SAMMSON: variants seen among roughly 807,000 people sequenced by gnomAD.
The protein encoded by SAMMSON is survival associated mitochondrial melanoma specific oncogenic non-coding RNA, also known as long intergenic non-protein coding RNA 1212.
intron 4 of SAMMSON, among the ~76,000 whole-genome samples, chr3:70,225,530 C>T (rs561000674): frequency 3.9e-5 from 6 of 152,262 alleles, no homozygotes; most frequent in East Asian, 3.9e-4. Context: ...AAGAAAGCAA[C>T]GGTGTGTCAA....
chr3:70,163,438 T>C (rs1346900799), intron 4 of SAMMSON, among the ~76,000 whole-genome samples: 2 of 151,560 alleles, frequency 1.3e-5, no homozygotes, highest in Non-Finnish European at 2.9e-5. Flanking sequence ...CTAGTTTAGA[T>C]TAATATTAGC....
intron 4 of SAMMSON, among the ~76,000 whole-genome samples, chr3:70,244,036 A>C (rs1330397033): frequency 1.3e-5 from 2 of 152,172 alleles, no homozygotes; most frequent in Non-Finnish European, 2.9e-5. Flanking sequence ...CACATATGGA[A>C]GATTCTAATT....
chr3:70,404,560 G>A (rs567783688), intron 2 of SAMMSON, among the ~76,000 whole-genome samples: 2 of 152,252 alleles, frequency 1.3e-5, no homozygotes, highest in African/African-American at 4.8e-5. Context: ...TGAGTTTAGA[G>A]TCCTCATATT....
intron 4 of SAMMSON, among the ~76,000 whole-genome samples, chr3:70,142,026 A>T: frequency 6.6e-6 from 1 of 152,204 alleles, no homozygotes; most frequent in East Asian, 1.9e-4. Context: ...AAAAATGAAA[A>T]AATAATAGAT....
chr3:70,356,861 A>G (rs2106737765), intron 8 of SAMMSON, among the ~76,000 whole-genome samples: 1 of 152,216 alleles, frequency 6.6e-6, no homozygotes, highest in Non-Finnish European at 1.5e-5. Context: ...GTACTTACAG[A>G]TGGCACTTTT....
At chr3:70,125,521 A>G (rs77753901) in intron 4 of SAMMSON, 1 of 702,624 alleles carries the variant, frequency 1.4e-6, no homozygotes. Flanking sequence ...TAGGTTTGGG[A>G]AAGATTTTTC....
At chr3:70,299,786 T>G (rs1702329015) in intron 7 of SAMMSON, among the ~76,000 whole-genome samples, 1 of 152,154 alleles carries the variant, frequency 6.6e-6, no homozygotes, top group Non-Finnish European at 1.5e-5. Flanking sequence ...CTGTTATCTT[T>G]AGGTCCTCTC....
In SAMMSON at chr3:70,285,561, G is replaced by A. The variant is rs532956503; in HGVS notation, n.675-5618G>A. ...ATAGCAGCATGATTTATAGTCCTTTGGGTATATACCCAGTAATGGGATGGC... is the reference window on the plus strand; with the variant it reads ...ATAGCAGCATGATTTATAGTCCTTTAGGTATATACCCAGTAATGGGATGGC... On this transcript the variant is annotated intron_variant and non_coding_transcript_variant, in intron 6 of 9. Coordinates refer to ENST00000642114, the Ensembl canonical transcript of SAMMSON. Among the ~76,000 whole-genome samples the A allele has an allele frequency of 7.8e-4, 118 of 151,828 alleles. 1 individual carries two copies. Among genetic ancestry groups the A allele is most frequent in the African/African-American group, 2.7e-3 (113 of 41,394 alleles).
intron 2 of SAMMSON, among the ~76,000 whole-genome samples, chr3:70,427,900 G>A (rs1050623344): frequency 3.9e-5 from 6 of 152,056 alleles, no homozygotes; most frequent in African/African-American, 1.4e-4. Context: ...GAAGATTGAA[G>A]GATATAATAT....
At chr3:70,190,306 C>G (rs897528325) in intron 4 of SAMMSON, among the ~76,000 whole-genome samples, 1 of 152,134 alleles carries the variant, frequency 6.6e-6, no homozygotes, top group Non-Finnish European at 1.5e-5. Context: ...GCAATTGCAC[C>G]TTTCTCAGTC....
intron 7 of SAMMSON, among the ~76,000 whole-genome samples, chr3:70,301,749 T>C (rs539298800): frequency 1.3e-5 from 2 of 152,236 alleles, no homozygotes; most frequent in Admixed American, 1.3e-4. Context: ...GATTTATTTA[T>C]ATAAACTTTT....
At chr3:70,049,568 A>G (rs2067138934) in intron 3 of SAMMSON, among the ~76,000 whole-genome samples, 2 of 152,110 alleles carry the variant, frequency 1.3e-5, no homozygotes, top group African/African-American at 4.8e-5. Context: ...GACTACAGGT[A>G]GAGATCTTGG....
At chr3:70,187,700 T>C (rs1480598920) in intron 4 of SAMMSON, among the ~76,000 whole-genome samples, 1 of 151,942 alleles carries the variant, frequency 6.6e-6, no homozygotes, top group African/African-American at 2.4e-5. Context: ...CCTCCCAAAG[T>C]GCTGGGATTA....
chr3:70,172,865 T>C (rs1217634651), intron 4 of SAMMSON: 1 of 152,046 alleles, frequency 6.6e-6, no homozygotes, highest in Non-Finnish European at 1.5e-5. Flanking sequence ...ATTAGAGAGA[T>C]ACATGTTCCA....
chr3:70,000,370 A>C (rs572781796), intron 1 of SAMMSON, among the ~76,000 whole-genome samples: 93 of 152,334 alleles, frequency 6.1e-4, no homozygotes, highest in African/African-American at 2.0e-3. Flanking sequence ...CTTGTGATAG[A>C]GATAAAGTTA....
intron 6 of SAMMSON, among the ~76,000 whole-genome samples, chr3:70,279,654 A>C (rs1407632556): frequency 6.6e-6 from 1 of 152,158 alleles, no homozygotes; most frequent in Admixed American, 6.5e-5. Context: ...TCCTATTTGC[A>C]TTAAGCAGCT....
intron 4 of SAMMSON, among the ~76,000 whole-genome samples, chr3:70,107,382 C>A (rs1022164797): frequency 6.6e-6 from 1 of 151,822 alleles, no homozygotes; most frequent in African/African-American, 2.4e-5. Flanking sequence ...GGAAAACTAG[C>A]TTATGTGTCA....
At chr3:70,364,880 T>C (rs898629990) in intron 9 of SAMMSON, among the ~76,000 whole-genome samples, 2 of 151,750 alleles carry the variant, frequency 1.3e-5, no homozygotes, top group Non-Finnish European at 3.0e-5. Flanking sequence ...TGTTTTCCCT[T>C]ATATTCCTTC....
chr3:70,151,539 C>T (rs1383473098), intron 4 of SAMMSON, among the ~76,000 whole-genome samples: 1 of 152,018 alleles, frequency 6.6e-6, no homozygotes, highest in African/African-American at 2.4e-5. Flanking sequence ...CTAAGAACAT[C>T]ATCCTCAACC....
Sources: allele counts gnomAD v4.1 joint callset (sites outside exome capture counted in the v4.1 genomes callset), GRCh38; gene constraint gnomAD v4.1.1; transcripts MANE v1.5; gene names NCBI Gene and HGNC (gene_info 2026-07-23, HGNC 2026-07-21).